RELN: variants seen among roughly 807,000 people sequenced by gnomAD.
RELN encodes the protein reelin.
Under a neutral mutation model 427.6 loss-of-function variants are expected in RELN, and 108 were observed. The observed-to-expected ratio is 0.25, with a 90% CI of 0.22 to 0.30. The LOEUF is 0.30. RELN is among the 10% of genes least tolerant of loss of function. The pLI is 1.00. For synonymous variants in RELN, 1,524 were observed against 1,513.4 expected (o/e 1.01, Z -0.16); for missense variants, 3,715 against 4,302.8 (o/e 0.86, Z 3.82).
chr7:103,583,546 G>C (rs1489607075), intron 28 of RELN, among the ~76,000 whole-genome samples: 3 of 152,200 alleles, frequency 2.0e-5, no homozygotes, highest in African/African-American at 7.2e-5. Flanking sequence ...AAAGATAAAA[G>C]TTTAGAAGAT....
chr7:103,934,583 A>G (rs1795938988), intron 1 of RELN, among the ~76,000 whole-genome samples: 1 of 152,192 alleles, frequency 6.6e-6, no homozygotes, highest in Admixed American at 6.5e-5. Flanking sequence ...CATTGTGTTC[A>G]TCAAGCACCT....
chr7:103,794,450 C>A (rs767484799), intron 3 of RELN, among the ~76,000 whole-genome samples: 41 of 152,284 alleles, frequency 2.7e-4, no homozygotes, highest in Non-Finnish European at 4.3e-4. Flanking sequence ...TAAACTTTAT[C>A]CTCTTGGCCT....
At chr7:103,539,038 C>A in intron 45 of RELN, 40 bp downstream of exon 45, 2 of 1,611,410 alleles carry the variant, frequency 1.2e-6, no homozygotes, top group African/African-American at 1.3e-5. Context: ...GAAGCTCATG[C>A]CCACATGCCT....
At chr7:103,986,166 T>C (rs1376898505) in intron 1 of RELN, among the ~76,000 whole-genome samples, 1 of 152,204 alleles carries the variant, frequency 6.6e-6, no homozygotes, top group African/African-American at 2.4e-5. Flanking sequence ...TACTCATGGT[T>C]CATTGTGACT....
At chr7:103,823,597 A>G (rs1793061279) in intron 3 of RELN, among the ~76,000 whole-genome samples, 1 of 152,040 alleles carries the variant, frequency 6.6e-6, no homozygotes, top group East Asian at 1.9e-4. Flanking sequence ...TTCCCTCCAA[A>G]TTATACACTA....
Position 103,483,646 on chromosome 7 carries a change from C to G in RELN, c.10181+7G>C. On this transcript the variant is annotated splice_region_variant and intron_variant, in intron 62 of 64. Transcript: ENST00000428762. ...TGAGACCATGCCTTTCCATTTGGGCCACTTACAGGGGGACATTGTAAGACA... is the reference window on the plus strand; with the variant it reads ...TGAGACCATGCCTTTCCATTTGGGCGACTTACAGGGGGACATTGTAAGACA... 8 of 1,613,902 alleles carry G rather than the reference C, an allele frequency of 5.0e-6. No individual in the cohort carries two copies. The highest frequency in any genetic ancestry group is 6.8e-6 in the Non-Finnish European group (8 of 1,179,786).
At chr7:103,979,771 T>C (rs543311006) in intron 1 of RELN, among the ~76,000 whole-genome samples, 171 of 152,366 alleles carry the variant, frequency 1.1e-3, no homozygotes, top group African/African-American at 4.0e-3. Context: ...AATAAATATC[T>C]TTAAAATGTC....
intron 8 of RELN, among the ~76,000 whole-genome samples, chr7:103,708,453 T>C (rs1789694609): frequency 6.9e-6 from 1 of 144,844 alleles, no homozygotes; most frequent in Non-Finnish European, 1.5e-5. Context: ...CAAACACCAG[T>C]GGGTATGACT....
intron 12 of RELN, among the ~76,000 whole-genome samples, chr7:103,656,857 C>A (rs1221375012): frequency 1.3e-5 from 2 of 152,012 alleles, no homozygotes; most frequent in East Asian, 3.9e-4. Context: ...AGGATTATCT[C>A]TTTTCGTCCC....
chr7:103,863,087 T>C (rs1794109075), intron 2 of RELN, among the ~76,000 whole-genome samples: 1 of 151,594 alleles, frequency 6.6e-6, no homozygotes, highest in Non-Finnish European at 1.5e-5. Flanking sequence ...ATTAAGACAA[T>C]AAAGCTCATC....
At chr7:103,652,350 G>A (rs1429433328) in intron 14 of RELN, among the ~76,000 whole-genome samples, 3 of 151,206 alleles carry the variant, frequency 2.0e-5, no homozygotes, top group Admixed American at 6.6e-5. Context: ...TTAGAATGAA[G>A]CCATTCCTAC....
chr7:103,976,057 G>C (rs1031954330), intron 1 of RELN, among the ~76,000 whole-genome samples: 3 of 152,114 alleles, frequency 2.0e-5, no homozygotes, highest in Admixed American at 1.3e-4. Flanking sequence ...TTTCAGTGGA[G>C]GAATAAGAGG....
intron 2 of RELN, among the ~76,000 whole-genome samples, chr7:103,875,049 C>T (rs1187024305): frequency 2.1e-5 from 3 of 144,996 alleles, no homozygotes; most frequent in East Asian, 2.3e-4. Context: ...TCAGAAATAA[C>T]GCCGCATACC....
chr7:103,902,890 TA>T (rs998256440), intron 2 of RELN, among the ~76,000 whole-genome samples: 5 of 152,128 alleles, frequency 3.3e-5, no homozygotes, highest in Non-Finnish European at 7.4e-5. Flanking sequence ...TTCACTACTT[TA>T]AAAAATATCT....
Position 103,491,852 on chromosome 7 carries a change from TCTCTCACACACACACACACA to T in RELN, c.9443+81_9443+100del, listed in dbSNP as rs1306978562. On this transcript the variant is annotated intron_variant, in intron 58 of 64. Coordinates refer to ENST00000428762, the MANE Select transcript of RELN (RefSeq NM_005045.4). ...CTCTCTCTCTCTCTCTCTCTCTCTC[TCTCTCACACACACACACACA>T]CACACACACACACACACACACACAA... 4.6e-3 allele frequency: 2,030 copies of T among 439,220 alleles called. 44 individuals are homozygous for T. In the African/African-American group the frequency reaches 0.062, roughly 13 times the overall value. The allele number at this position is 439,220 out of a possible 1,614,324, so 27.2% of individuals were successfully genotyped here.
chr7:103,855,219 C>T (rs1443761125), intron 2 of RELN, among the ~76,000 whole-genome samples: 1 of 152,204 alleles, frequency 6.6e-6, no homozygotes, highest in African/African-American at 2.4e-5. Context: ...CGGAAAAGTG[C>T]TGTTCCCATC....
intron 24 of RELN, among the ~76,000 whole-genome samples, chr7:103,600,559 TTCCAGGTCTCCCTTGC>T (rs1347214109): frequency 6.6e-6 from 1 of 152,150 alleles, no homozygotes; most frequent in Non-Finnish European, 1.5e-5. Context: ...AAGTTACTGG[TTCCAGGTCTCCCTTGC>T]ACCAGCCCCA....
In RELN at chr7:103,491,214, A is replaced by C. The variant is rs566911693; in HGVS notation, c.9444-385T>G. Among the ~76,000 whole-genome samples, 4 of 152,340 alleles carry C rather than the reference A, an allele frequency of 2.6e-5. No homozygotes were observed. The East Asian group carries it at 7.7e-4, about 29-fold the overall frequency. ...TTAACCCTAATAAGGTAACTGAACT[A>C]TGTCAGACTTTTATTCAATACTGTT... On this transcript the variant is annotated intron_variant, in intron 58 of 64. Coordinates refer to ENST00000428762, the MANE Select transcript of RELN (RefSeq NM_005045.4).
chr7:103,977,755 A>C (rs2116834873), intron 1 of RELN, among the ~76,000 whole-genome samples: 1 of 152,248 alleles, frequency 6.6e-6, no homozygotes, highest in South Asian at 2.1e-4. Flanking sequence ...TCTGCAAGCT[A>C]ACCCACCTCC....
Sources: gnomAD v4.1 joint callset for allele counts (sites outside exome capture counted in the v4.1 genomes callset) on GRCh38, gnomAD v4.1.1 for gene constraint, MANE v1.5 for transcripts, NCBI Gene and HGNC (gene_info 2026-07-23, HGNC 2026-07-21) for gene names.